Variants in TGFBRAP1 observed in about 807,000 individuals in gnomAD.
TGFBRAP1 encodes the protein transforming growth factor beta receptor associated protein 1.
A neutral mutation model predicts 83.2 loss-of-function variants in TGFBRAP1; 20 were observed. The observed-to-expected ratio is 0.24, with a 90% CI of 0.17 to 0.35. The LOEUF is 0.35. TGFBRAP1 is among the 10% of genes least tolerant of loss of function. The probability of loss-of-function intolerance (pLI) is 1.00; values close to 1 mark genes in which losing one functional copy is unlikely to be tolerated. For synonymous variants in TGFBRAP1, 415 were observed against 459.8 expected, an observed-to-expected ratio of 0.90 and a Z score of 1.25; for missense variants, 950 against 1,099.4, an observed-to-expected ratio of 0.86 and a Z score of 1.92.
the TGFBRAP1 span, among the ~76,000 whole-genome samples, chr2:105,258,775 T>A: frequency 5.9e-4 from 84 of 141,932 alleles, no homozygotes; most frequent in African/African-American, 2.2e-3. Context: ...ACACACACAC[T>A]GTCTCTCTCT....
At chr2:105,267,625 T>C in intron 11 of TGFBRAP1, 66 bp from the exon 12 acceptor site, 1 of 1,593,518 alleles carries the variant, frequency 6.3e-7, no homozygotes, top group Admixed American at 1.7e-5. Context: ...GGCTACGTTC[T>C]AGTTTTGCAG....
At chr2:105,255,480 C>T in the TGFBRAP1 span, among the ~76,000 whole-genome samples, 1 of 152,158 alleles carries the variant, frequency 6.6e-6, no homozygotes, top group Non-Finnish European at 1.5e-5. Context: ...TGCCACCACA[C>T]CTGACTAACG....
intron 2 of TGFBRAP1, among the ~76,000 whole-genome samples, chr2:105,301,093 G>A (rs954154165): frequency 4.6e-5 from 7 of 151,952 alleles, no homozygotes; most frequent in South Asian, 2.1e-4. Flanking sequence ...CCTTGGTGGC[G>A]GGTACTATTC....
chr2:105,303,931 A>C (rs911935448), intron 2 of TGFBRAP1, among the ~76,000 whole-genome samples: 2 of 152,232 alleles, frequency 1.3e-5, no homozygotes, highest in African/African-American at 2.4e-5. Flanking sequence ...AAAGAAAAGC[A>C]AAAAAGAGAT....
rs554528529 is a variant in TGFBRAP1, at chr2:105,321,069, T to C, written c.-18+8556A>G. Among the ~76,000 whole-genome samples the C allele has an allele frequency of 1.6e-3, 251 of 152,370 alleles. 2 individuals carry two copies. Among genetic ancestry groups the C allele is most frequent in the African/African-American group, 5.8e-3 (240 of 41,590 alleles). On this transcript the variant is annotated intron_variant, in intron 1 of 11. Transcript: ENST00000393359. ...CACTGGACTTCCTCTGACTGGCTGA[T>C]GGCAGGGATCCTGGCTTTAGGCGTG...
the TGFBRAP1 span, among the ~76,000 whole-genome samples, chr2:105,250,282 A>G: frequency 6.6e-6 from 1 of 152,180 alleles, no homozygotes; most frequent in Non-Finnish European, 1.5e-5. Context: ...CTGGGTGTTC[A>G]GGTAAACTCC....
chr2:105,270,326 G>A (rs948993288), intron 10 of TGFBRAP1, among the ~76,000 whole-genome samples: 2 of 152,040 alleles, frequency 1.3e-5, no homozygotes, highest in Non-Finnish European at 2.9e-5. Flanking sequence ...AACCCAAAGC[G>A]TCATTCCTGA....
intron 1 of TGFBRAP1, among the ~76,000 whole-genome samples, chr2:105,310,626 C>T (rs1449974048): frequency 6.6e-6 from 1 of 152,120 alleles, no homozygotes; most frequent in African/African-American, 2.4e-5. Context: ...AGGCCGAGTG[C>T]AGAACTCTTG....
intron 4 of TGFBRAP1, among the ~76,000 whole-genome samples, chr2:105,289,810 C>A (rs4851754): frequency 0.13 from 20,021 of 152,214 alleles, 1,663 homozygotes; most frequent in Non-Finnish European, 0.19. Context: ...GTAAAATACA[C>A]TTCTGAGTAT....
chr2:105,288,749 G>C (rs1677800617), intron 4 of TGFBRAP1, among the ~76,000 whole-genome samples: 1 of 152,068 alleles, frequency 6.6e-6, no homozygotes, highest in Non-Finnish European at 1.5e-5. Flanking sequence ...AATATATTAG[G>C]TGGAACATGA....
At chr2:105,257,842 G>T in the TGFBRAP1 span, among the ~76,000 whole-genome samples, 1 of 152,184 alleles carries the variant, frequency 6.6e-6, no homozygotes, top group Non-Finnish European at 1.5e-5. Context: ...AATGGTCTAA[G>T]GTGGGCCCTT....
In TGFBRAP1 at chr2:105,267,423, T is replaced by A. The variant is rs1157555159; in HGVS notation, c.2543A>T (p.His848Leu). 3 of 1,614,106 alleles carry A rather than the reference T, an allele frequency of 1.9e-6. No homozygotes were observed. The highest frequency in any genetic ancestry group is 1.1e-5 in the South Asian group (1 of 91,088). ...LVHTHCAASR[H>L]TNPSSSSPGT... ...AGGACTGGATGAGCTGGGGTTTGTG[T>A]GTCTGCTGGCGGCACAGTGGGTGTG... Residue 848 changes from histidine (H) to leucine (L), a missense_variant, in exon 12 of 12, where the codon CAC (histidine) becomes CTC (leucine). His to Leu is a moderately conservative substitution (Grantham distance 99). Transcript: ENST00000393359.
chr2:105,279,815 A>G (rs4851753), intron 6 of TGFBRAP1, among the ~76,000 whole-genome samples: 19,739 of 151,866 alleles, frequency 0.13, 1,639 homozygotes, highest in Non-Finnish European at 0.19. Flanking sequence ...AGGCGAGCAG[A>G]CCACCTGAGG....
At chr2:105,260,380 C>A (rs1440162319), downstream of TGFBRAP1, among the ~76,000 whole-genome samples, 1 of 152,112 alleles carries the variant, frequency 6.6e-6, no homozygotes, top group Non-Finnish European at 1.5e-5. Flanking sequence ...CTGCACTCCA[C>A]CCTGGGTGAC....
intron 1 of TGFBRAP1, among the ~76,000 whole-genome samples, chr2:105,320,163 C>T (rs771238974): frequency 2.0e-5 from 3 of 152,134 alleles, no homozygotes; most frequent in African/African-American, 7.2e-5. Flanking sequence ...CTGCAAAAAA[C>T]CCTCACATTT....
At position 105,307,651 on chromosome 2, in the gene TGFBRAP1, C is replaced by T; in HGVS notation, c.651G>A (p.Gly217=). The T allele has an allele frequency of 1.2e-6, 2 of 1,613,978 alleles. No individual in the cohort carries two copies. The highest frequency in any genetic ancestry group is 1.7e-5 in the Admixed American group (1 of 60,026). Residue 217 remains glycine, a synonymous_variant, in exon 2 of 12, where the codon GGG becomes GGA. Transcript: ENST00000393359. ...GGCCCGCCAGCAGGAACTCCTGTCT[C>T]CCTATCCTCTTGACGATCGGCGGCC... is the stretch of plus-strand genomic sequence containing the variant. ...EERPPIVKRI[G]RQEFLLAGPG... is the part of the protein sequence containing the mutation.
intron 2 of TGFBRAP1, among the ~76,000 whole-genome samples, chr2:105,306,421 AT>A (rs1678502234): frequency 6.6e-6 from 1 of 152,134 alleles, no homozygotes; most frequent in African/African-American, 2.4e-5. Context: ...GAGTGGGTAG[AT>A]AGCTAGCTAG....
intron 1 of TGFBRAP1, among the ~76,000 whole-genome samples, chr2:105,326,564 C>A (rs1416197024): frequency 6.6e-6 from 1 of 152,040 alleles, no homozygotes; most frequent in African/African-American, 2.4e-5. Flanking sequence ...TAGAAGAATA[C>A]AAAAATTAGC....
chr2:105,250,565 TCCTCCTCTCCCTCTC>T, the TGFBRAP1 span, among the ~76,000 whole-genome samples: 28,076 of 140,494 alleles, frequency 0.2, 3,552 homozygotes, highest in East Asian at 0.4. Context: ...TTGGAAAGGC[TCCTCCTCTCCCTCTC>T]CCTCCTCTCC....
Sources: gnomAD v4.1 joint callset for allele counts (sites outside exome capture counted in the v4.1 genomes callset) on GRCh38, gnomAD v4.1.1 for gene constraint, MANE v1.5 for transcripts, NCBI Gene and HGNC (gene_info 2026-07-23, HGNC 2026-07-21) for gene names.